NPIPB11: variants seen among roughly 807,000 people sequenced by gnomAD.
The protein encoded by NPIPB11 is nuclear pore complex interacting protein family member B11.
Under a neutral mutation model 32.8 loss-of-function variants are expected in NPIPB11, and 17 were observed. That is an observed-to-expected ratio of 0.52 (90% CI 0.35 to 0.78). The LOEUF (loss-of-function observed/expected upper bound fraction) is 0.78, where lower values mean the gene tolerates loss of function less well. Ranked by LOEUF, NPIPB11 falls within the 30% of genes least tolerant of loss-of-function variation. The pLI, the probability that NPIPB11 is intolerant of heterozygous loss-of-function variation, is 0.01. For missense variants in NPIPB11, 537 were observed against 1,000.4 expected, an observed-to-expected ratio of 0.54 and a Z score of 6.25; for synonymous variants, 209 against 398.4, an observed-to-expected ratio of 0.52 and a Z score of 5.66.
chr16:29,396,680 A>G (rs374011038), intron 2 of NPIPB11, among the ~76,000 whole-genome samples: 35 of 149,042 alleles, frequency 2.3e-4, no homozygotes, highest in East Asian at 9.7e-4. Flanking sequence ...AGAATCGCTC[A>G]AACCTGGGAA....
At chr16:29,388,962 C>T (rs1420659137) in intron 5 of NPIPB11, among the ~76,000 whole-genome samples, 3 of 139,596 alleles carry the variant, frequency 2.1e-5, no homozygotes, top group Non-Finnish European at 4.6e-5. Context: ...ATTGGGAGGC[C>T]GAGGTGTGCG....
chr16:29,389,954 T>C (rs1254341568), exon 5 of NPIPB11: 4 of 1,591,286 alleles, frequency 2.5e-6, no homozygotes, highest in Non-Finnish European at 3.4e-6. Flanking sequence ...TTTCTGGCGG[T>C]CTTCCTCTTT....
chr16:29,393,314 C>T (rs1424830556), intron 3 of NPIPB11, among the ~76,000 whole-genome samples: 2 of 151,432 alleles, frequency 1.3e-5, no homozygotes, highest in Admixed American at 1.3e-4. Context: ...TCACCTCGTC[C>T]CTATGACCTC....
At chr16:29,394,430 T>A in intron 2 of NPIPB11, among the ~76,000 whole-genome samples, 1 of 28,416 alleles carries the variant, frequency 3.5e-5, no homozygotes, top group East Asian at 4.3e-4. Flanking sequence ...AAAAAACCTC[T>A]TTTTTTTTTT....
exon 3 of NPIPB11, chr16:29,393,996 A>G: frequency 6.3e-7 from 1 of 1,599,514 alleles, no homozygotes; most frequent in South Asian, 1.1e-5. Context: ...AACTTGTCGG[A>G]AACGCAATAA....
exon 5 of NPIPB11, chr16:29,389,950 G>A (rs1319221311): frequency 2.5e-6 from 4 of 1,591,728 alleles, no homozygotes; most frequent in Admixed American, 1.7e-5. Context: ...CTGTTTTCTG[G>A]CGGTCTTCCT....
chr16:29,401,391 C>T (rs1007923795), intron 2 of NPIPB11, among the ~76,000 whole-genome samples: 1 of 152,110 alleles, frequency 6.6e-6, no homozygotes, highest in African/African-American at 2.4e-5. Flanking sequence ...TCTGAGTTCA[C>T]TGCTGATTAC....
chr16:29,390,653 T>TACACACAC (rs56110526), intron 3 of NPIPB11, among the ~76,000 whole-genome samples: 66,554 of 146,490 alleles, frequency 0.45, 15,478 homozygotes, highest in Middle Eastern at 0.59. Context: ...CTCTGTCACA[T>TACACACAC]ACACACACAC....
chr16:29,382,058 TGCTGAGGGTGGA>T, exon 8 of NPIPB11: 4 of 457,204 alleles, frequency 8.7e-6, no homozygotes, highest in Middle Eastern at 5.1e-4. Flanking sequence ...TATTATCATC[TGCTGAGGGTGGA>T]GCTGAGGGTG....
intron 3 of NPIPB11, among the ~76,000 whole-genome samples, chr16:29,393,663 G>A (rs560617296): frequency 0.015 from 2,267 of 151,472 alleles, 67 homozygotes; most frequent in African/African-American, 0.052. Flanking sequence ...TCCTATTTAA[G>A]TGACGAAACC....
intron 2 of NPIPB11, among the ~76,000 whole-genome samples, chr16:29,401,494 G>T (rs1963990354): frequency 6.6e-6 from 1 of 152,040 alleles, no homozygotes; most frequent in Admixed American, 6.6e-5. Context: ...CCTGGCTGAG[G>T]ATAAAGCAAA....
rs375462156 is a variant in NPIPB11 at position 29,381,863 on chromosome 16, G to T, written c.3069C>A (p.Leu1023=). The T allele has an allele frequency of 1.1e-3, 832 of 754,064 alleles. 40 individuals carry two copies. The East Asian group carries it at 0.021, about 19-fold the overall frequency. The allele number at this position is 754,064 out of a possible 1,614,324, so 46.7% of individuals were successfully genotyped here. A position where few individuals can be genotyped will look rare whatever the true frequency, so the allele number is the denominator to read the frequency against. The change falls in exon 8 of 8, where the codon CTC becomes CTA. Residue 1023 remains leucine (L), a synonymous_variant. Transcript: ENST00000524087. ...TGAGCTGACGCTCGGAAGGTGTCTTGAGATTATCATCCGCTGAGGGTGGAA... is the reference window on the plus strand; with the variant it reads ...TGAGCTGACGCTCGGAAGGTGTCTTTAGATTATCATCCGCTGAGGGTGGAA...
upstream of NPIPB11, among the ~76,000 whole-genome samples, chr16:29,405,513 T>C (rs1247587379): frequency 6.6e-6 from 1 of 152,148 alleles, no homozygotes; most frequent in Non-Finnish European, 1.5e-5. Context: ...CCACACATTA[T>C]TACACTTAAA....
At chr16:29,391,282 A>C (rs1240032458) in intron 3 of NPIPB11, among the ~76,000 whole-genome samples, 1 of 139,726 alleles carries the variant, frequency 7.2e-6, no homozygotes, top group Admixed American at 7.2e-5. Flanking sequence ...AAAAAAAAAA[A>C]TGACATGAAT....
upstream of NPIPB11, among the ~76,000 whole-genome samples, chr16:29,406,614 T>A (rs949147279): frequency 5.9e-5 from 9 of 151,878 alleles, no homozygotes; most frequent in Non-Finnish European, 1.3e-4. Context: ...CTCGGGAGGC[T>A]GAGACAGGAG....
At chr16:29,397,474 G>T (rs1348575168) in intron 2 of NPIPB11, 11 of 1,299,678 alleles carry the variant, frequency 8.5e-6, no homozygotes, top group East Asian at 3.4e-5. Context: ...GCCCCCTAAA[G>T]TGCTGGGATT....
rs753828399 is a variant in NPIPB11, at chr16:29,394,090, A to C, written c.121-14T>G. On this transcript the variant is annotated splice_polypyrimidine_tract_variant and intron_variant, in intron 2 of 7. Transcript: ENST00000524087. ...AGTATTGATAACCTGGAATAATAAT[A>C]GTTGAAATAATGAAAAGGTCAATGA... is the stretch of plus-strand genomic sequence containing the variant. 23 of 1,594,796 alleles carry C rather than the reference A, an allele frequency of 1.4e-5. No individual in the cohort carries two copies. Among genetic ancestry groups the C allele is most frequent in the Admixed American group, 3.4e-5 (2 of 58,896 alleles).
chr16:29,393,090 TAGC>T (rs1197338701), intron 3 of NPIPB11, among the ~76,000 whole-genome samples: 4 of 151,048 alleles, frequency 2.6e-5, no homozygotes, highest in Admixed American at 6.6e-5. Flanking sequence ...TGGTACAACT[TAGC>T]AGCCAAATTC....
At chr16:29,390,435 T>C (rs1963689318) in intron 3 of NPIPB11, 87 bp from the exon 4 acceptor site, 1 of 1,590,200 alleles carries the variant, frequency 6.3e-7, no homozygotes, top group Non-Finnish European at 8.5e-7. Context: ...GGCAGGTGGA[T>C]CACGGGGTCA....
Sources: gnomAD v4.1 joint callset for allele counts (sites outside exome capture counted in the v4.1 genomes callset) on GRCh38, gnomAD v4.1.1 for gene constraint, MANE v1.5 for transcripts, NCBI Gene and HGNC (gene_info 2026-07-23, HGNC 2026-07-21) for gene names.